ATXN2: variants seen among roughly 807,000 people sequenced by gnomAD.
The protein encoded by ATXN2 is ataxin 2, also known as ataxin-2.
Under a neutral mutation model 138.6 loss-of-function variants are expected in ATXN2, and 37 were observed. That is an observed-to-expected ratio of 0.27 (90% confidence interval 0.21 to 0.35). ATXN2 has a LOEUF of 0.35. Ranked by LOEUF, ATXN2 falls within the 10% of genes least tolerant of loss-of-function variation. The pLI is 1.00. For synonymous variants in ATXN2, 549 were observed against 543.7 expected (o/e 1.01, Z -0.13); for missense variants, 1,216 against 1,480.3 (o/e 0.82, Z 2.93).
At position 111,516,790 on chromosome 12, in the gene ATXN2, A is replaced by G. The variant is rs538915989; in HGVS notation, c.1166-427T>C. On this transcript the variant is annotated intron_variant, in intron 9 of 24. Coordinates refer to ENST00000673436, the MANE Select transcript of ATXN2 (RefSeq NM_001372574.1). The surrounding 1 kb of genome is among the most constrained non-coding windows in gnomAD (Gnocchi z 5.0). ...ACTGTATTAGTTTTAACTCTGAGGC[A>G]TAACGAAAATAAGCAGTAGCTATTA... Among the ~76,000 whole-genome samples the G allele has an allele frequency of 6.6e-6, 1 of 152,330 alleles. No homozygotes were observed. Among genetic ancestry groups the G allele is most frequent in the East Asian group, 1.9e-4 (1 of 5,194 alleles).
At position 111,456,098 on chromosome 12, in the gene ATXN2, G is replaced by C; in HGVS notation, c.3201C>G (p.Val1067=). ...QNSFPAAQQT[V]FTIHPSHVQP... ...GAACGTGAGAAGGATGGATCGTAAA[G>C]ACAGTCTGTTGTGCTGCTGGGAAAC... The change falls in exon 23 of 25, where the codon GTC becomes GTG. Residue 1067 remains valine (V), a synonymous_variant. Coordinates refer to ENST00000673436, the MANE Select transcript of ATXN2 (RefSeq NM_001372574.1). 6.2e-7 allele frequency: 1 copy of C among 1,614,220 alleles called. No individual in the cohort carries two copies. The highest frequency in any genetic ancestry group is 8.5e-7 in the Non-Finnish European group (1 of 1,180,044).
chr12:111,496,544 A>G (rs1253534177), intron 14 of ATXN2, among the ~76,000 whole-genome samples: 1 of 152,154 alleles, frequency 6.6e-6, no homozygotes, highest in East Asian at 1.9e-4. Context: ...TCAAAAAAAC[A>G]AAAATAAAAA....
At chr12:111,521,780 A>G (rs1393183325) in intron 6 of ATXN2, among the ~76,000 whole-genome samples, 1 of 152,184 alleles carries the variant, frequency 6.6e-6, no homozygotes, top group East Asian at 1.9e-4. Flanking sequence ...GGGGGGAGCC[A>G]GGGGCAAGCA....
intron 1 of ATXN2, among the ~76,000 whole-genome samples, chr12:111,579,146 C>A (rs1883846360): frequency 1.3e-5 from 2 of 152,032 alleles, no homozygotes; most frequent in Admixed American, 6.6e-5. Flanking sequence ...TTATATGTAC[C>A]CTGGAAAAAT....
Position 111,466,267 on chromosome 12 carries a change from G to A in ATXN2, c.2843-1552C>T, listed in dbSNP as rs564771314. 3.3e-5 allele frequency among the ~76,000 whole-genome samples: 5 copies of A among 151,946 alleles called. No individual in the cohort carries two copies. The South Asian group carries it at 1.0e-3, about 32-fold the overall frequency. ...TAATCCCAGCACTTTGGGAGGCTGA[G>A]GCAGGCGGATCACGAGGTCAGGAGA... On this transcript the variant is annotated intron_variant, in intron 20 of 24. Coordinates refer to ENST00000673436, the MANE Select transcript of ATXN2 (RefSeq NM_001372574.1).
chr12:111,455,816 T>G (rs1410904499), intron 23 of ATXN2: 1 of 619,946 alleles, frequency 1.6e-6, no homozygotes, highest in East Asian at 2.8e-5. Context: ...GTTGGAAAAC[T>G]AAAGGACTGA....
chr12:111,502,455 G>C (rs1878839030), intron 14 of ATXN2, among the ~76,000 whole-genome samples: 1 of 151,828 alleles, frequency 6.6e-6, no homozygotes, highest in African/African-American at 2.4e-5. Context: ...TGGAGACGGA[G>C]TTTCGCTCTT....
intron 11 of ATXN2, chr12:111,510,841 C>T (rs1275695024): frequency 3.9e-6 from 1 of 254,242 alleles, no homozygotes; most frequent in Non-Finnish European, 7.5e-6. Flanking sequence ...ATTCTCCTGC[C>T]TCAGCCTCTG....
chr12:111,476,027 C>T (rs910590314), intron 18 of ATXN2, among the ~76,000 whole-genome samples: 1 of 152,330 alleles, frequency 6.6e-6, no homozygotes, highest in Non-Finnish European at 1.5e-5. Context: ...TCACAGCTCA[C>T]TGCTGCTTTA....
At chr12:111,527,216 A>G (rs1267257935) in intron 5 of ATXN2, among the ~76,000 whole-genome samples, 2 of 152,190 alleles carry the variant, frequency 1.3e-5, no homozygotes, top group African/African-American at 4.8e-5. Flanking sequence ...CTGGACCCAT[A>G]GGGTACCACC....
chr12:111,592,309 T>C (rs1051798516), intron 1 of ATXN2, among the ~76,000 whole-genome samples: 6 of 151,518 alleles, frequency 4.0e-5, no homozygotes, highest in African/African-American at 1.5e-4. Context: ...GAGAATTGCT[T>C]GAACCTGGGA....
chr12:111,563,374 T>C (rs1041938273), intron 1 of ATXN2, among the ~76,000 whole-genome samples: 1 of 152,156 alleles, frequency 6.6e-6, no homozygotes, highest in Admixed American at 6.5e-5. Context: ...AAATGTTGAT[T>C]TGTTGATTGT....
At chr12:111,566,872 A>G (rs901031260) in intron 1 of ATXN2, among the ~76,000 whole-genome samples, 8 of 152,128 alleles carry the variant, frequency 5.3e-5, no homozygotes, top group Non-Finnish European at 1.2e-4. Context: ...TCCTGACTTC[A>G]GGTGATCCGC....
At chr12:111,599,509 G>A (rs2135865420), upstream of ATXN2, 6 of 1,214,160 alleles carry the variant, frequency 4.9e-6, no homozygotes, top group South Asian at 1.5e-4. Flanking sequence ...CGGCCGCTGA[G>A]CGCATCGGAG....
chr12:111,589,527 T>C (rs1884535721), intron 1 of ATXN2, among the ~76,000 whole-genome samples: 1 of 151,820 alleles, frequency 6.6e-6, no homozygotes, highest in Non-Finnish European at 1.5e-5. Context: ...ATTCCAGCAC[T>C]TCAGGAGGCC....
intron 1 of ATXN2, among the ~76,000 whole-genome samples, chr12:111,563,504 A>G (rs988179273): frequency 1.3e-5 from 2 of 152,126 alleles, no homozygotes; most frequent in African/African-American, 4.8e-5. Flanking sequence ...AGTACATACA[A>G]GTTGAAGTAT....
chr12:111,489,297 G>A (rs958684428), intron 14 of ATXN2, among the ~76,000 whole-genome samples: 2 of 152,122 alleles, frequency 1.3e-5, no homozygotes, highest in Non-Finnish European at 2.9e-5. Context: ...AAAGGGAGAA[G>A]CTGGCTCTAT....
chr12:111,541,682 T>C (rs1176103343), intron 5 of ATXN2, among the ~76,000 whole-genome samples: 2 of 149,566 alleles, frequency 1.3e-5, no homozygotes, highest in East Asian at 3.9e-4. Flanking sequence ...AGTCCTCCTT[T>C]ATGACTCTTG....
intron 5 of ATXN2, among the ~76,000 whole-genome samples, chr12:111,545,691 G>A (rs536635168): frequency 8.6e-5 from 13 of 152,040 alleles, no homozygotes; most frequent in Non-Finnish European, 1.5e-4. Context: ...GGCCGGGTGC[G>A]GTGACTCATG....
Sources: gnomAD v4.1 joint callset for allele counts (sites outside exome capture counted in the v4.1 genomes callset) on GRCh38, gnomAD v4.1.1 for gene constraint, Gnocchi (gnomAD v3.1) non-coding constraint, MANE v1.5 for transcripts, NCBI Gene and HGNC (gene_info 2026-07-23, HGNC 2026-07-21) for gene names.